THRB: variants seen among roughly 807,000 people sequenced by gnomAD.
THRB encodes the protein nuclear receptor subfamily 1 group A member 2.
Under a neutral mutation model 47.8 loss-of-function variants are expected in THRB, and 12 were observed. That is an observed-to-expected ratio of 0.25 (90% CI 0.16 to 0.41). The LOEUF (loss-of-function observed/expected upper bound fraction) is 0.41. THRB is among the 10% of genes least tolerant of loss of function. The pLI, the probability that THRB is intolerant of heterozygous loss-of-function variation, is 1.00. For missense variants in THRB, 348 were observed against 589.2 expected (o/e 0.59, Z 4.24); for synonymous variants, 218 against 212.2 (o/e 1.03, Z -0.24).
chr3:24,204,386 C>A (rs955468807), intron 4 of THRB, among the ~76,000 whole-genome samples: 1 of 152,216 alleles, frequency 6.6e-6, no homozygotes, highest in Non-Finnish European at 1.5e-5. Context: ...GATACCCAGG[C>A]AAACAGGGTC....
At chr3:24,268,908 A>G (rs1020855938) in intron 3 of THRB, among the ~76,000 whole-genome samples, 2 of 152,184 alleles carry the variant, frequency 1.3e-5, no homozygotes, top group African/African-American at 2.4e-5. Flanking sequence ...TAAAAAGAAA[A>G]TAGAAAATTT....
chr3:24,461,218 G>T (rs753213381), intron 1 of THRB, among the ~76,000 whole-genome samples: 1 of 152,092 alleles, frequency 6.6e-6, no homozygotes, highest in African/African-American at 2.4e-5. Flanking sequence ...GCAGGCCTGG[G>T]GTCAAGTCTG....
At chr3:24,326,235 T>C (rs939533595) in intron 2 of THRB, among the ~76,000 whole-genome samples, 2 of 152,168 alleles carry the variant, frequency 1.3e-5, no homozygotes, top group Non-Finnish European at 2.9e-5. Flanking sequence ...GTTACAACTT[T>C]CTTTTTATTT....
intron 3 of THRB, among the ~76,000 whole-genome samples, chr3:24,239,681 C>T (rs1036378143): frequency 3.3e-5 from 5 of 151,940 alleles, no homozygotes; most frequent in Non-Finnish European, 7.4e-5. Flanking sequence ...GAAAGAAGTC[C>T]CTCAAAGATG....
Position 24,444,668 on chromosome 3 carries a change from A to G in THRB, c.-261+49984T>C, listed in dbSNP as rs188189905. On this transcript the variant is annotated intron_variant, in intron 1 of 10. Transcript: ENST00000646209. ...GCCCAGGCCAGAGTGCAATGGCATGATCTCGGCTCACTGCAACCTTGTGCC... is the reference window on the plus strand; with the variant it reads ...GCCCAGGCCAGAGTGCAATGGCATGGTCTCGGCTCACTGCAACCTTGTGCC... Among the ~76,000 whole-genome samples, 46 of 152,286 alleles carry G rather than the reference A, an allele frequency of 3.0e-4. No homozygotes were observed. The East Asian group carries it at 7.5e-3, about 25-fold the overall frequency.
chr3:24,463,266 A>C (rs2073852397), intron 1 of THRB, among the ~76,000 whole-genome samples: 1 of 152,090 alleles, frequency 6.6e-6, no homozygotes, highest in African/African-American at 2.4e-5. Flanking sequence ...TTTGATAACA[A>C]TCTTTTTATT....
At chr3:24,484,139 A>G (rs992175073) in intron 1 of THRB, 1 of 152,188 alleles carries the variant, frequency 6.6e-6, no homozygotes, top group Non-Finnish European at 1.5e-5. Context: ...GCAATTTTCA[A>G]CTCACATGAG....
At chr3:24,147,556 A>G (rs574989115) in intron 6 of THRB, among the ~76,000 whole-genome samples, 3 of 152,344 alleles carry the variant, frequency 2.0e-5, no homozygotes, top group Non-Finnish European at 2.9e-5. Context: ...TTAAGGCATG[A>G]GAGAGCACCT....
intron 1 of THRB, among the ~76,000 whole-genome samples, chr3:24,435,835 GC>G (rs2070890150): frequency 6.6e-6 from 1 of 152,172 alleles, no homozygotes. Context: ...CCCCTCCGCG[GC>G]CCTTCCAAAC....
intron 1 of THRB, among the ~76,000 whole-genome samples, chr3:24,382,080 A>G (rs1248369651): frequency 6.6e-6 from 1 of 152,096 alleles, no homozygotes; most frequent in Non-Finnish European, 1.5e-5. Context: ...AAAAATATCC[A>G]CTTTGAATCA....
At chr3:24,395,266 A>G (rs1289900085) in intron 1 of THRB, among the ~76,000 whole-genome samples, 3 of 152,116 alleles carry the variant, frequency 2.0e-5, no homozygotes, top group Non-Finnish European at 4.4e-5. Flanking sequence ...AAAATATAAA[A>G]TTTGACTTCT....
intron 8 of THRB, 59 bp downstream of exon 8, chr3:24,143,442 A>G: frequency 6.6e-7 from 1 of 1,525,712 alleles, no homozygotes; most frequent in East Asian, 2.2e-5. Context: ...AGGACTGAAT[A>G]AATTGAGGTA....
chr3:24,378,196 T>C (rs2065435984), intron 1 of THRB, among the ~76,000 whole-genome samples: 1 of 152,180 alleles, frequency 6.6e-6, no homozygotes, highest in South Asian at 2.1e-4. Flanking sequence ...AATCACACTT[T>C]TCCAGTTCCC....
At chr3:24,460,713 G>A (rs1420775997) in intron 1 of THRB, among the ~76,000 whole-genome samples, 2 of 152,160 alleles carry the variant, frequency 1.3e-5, no homozygotes, top group Non-Finnish European at 2.9e-5. Flanking sequence ...AGAACTGCCT[G>A]GTCATAGAAA....
intron 3 of THRB, among the ~76,000 whole-genome samples, chr3:24,236,881 AAAT>A (rs1417667306): frequency 6.6e-6 from 1 of 152,116 alleles, no homozygotes; most frequent in Non-Finnish European, 1.5e-5. Context: ...TGAAGTGAAT[AAAT>A]AATGGTTGAA....
chr3:24,423,210 C>T (rs1359875451), intron 1 of THRB, among the ~76,000 whole-genome samples: 1 of 151,848 alleles, frequency 6.6e-6, no homozygotes, highest in East Asian at 2.0e-4. Flanking sequence ...GCCAATCCTA[C>T]CTGAAGTCCT....
chr3:24,158,435 G>T (rs995759016), intron 5 of THRB, among the ~76,000 whole-genome samples: 4 of 86,498 alleles, frequency 4.6e-5, no homozygotes, highest in South Asian at 4.8e-4. Flanking sequence ...TTTTTTTTTG[G>T]GGGGAGGGTG....
At chr3:24,316,955 A>C (rs1490251684) in intron 2 of THRB, among the ~76,000 whole-genome samples, 1 of 152,166 alleles carries the variant, frequency 6.6e-6, no homozygotes, top group Non-Finnish European at 1.5e-5. Context: ...CCTCAGGCAA[A>C]GTTAGTGACT....
intron 1 of THRB, among the ~76,000 whole-genome samples, chr3:24,391,397 C>T (rs1254282583): frequency 6.6e-6 from 1 of 152,160 alleles, no homozygotes; most frequent in East Asian, 1.9e-4. Context: ...AACGTTTACT[C>T]TCCTACATCA....
Sources: allele counts gnomAD v4.1 joint callset (sites outside exome capture counted in the v4.1 genomes callset), GRCh38; gene constraint gnomAD v4.1.1; transcripts MANE v1.5; gene names NCBI Gene and HGNC (gene_info 2026-07-23, HGNC 2026-07-21).